CIMIP2A: variants seen among roughly 807,000 people sequenced by gnomAD.
CIMIP2A encodes ciliary microtubule inner protein 2A, also known as family with sequence similarity 166 member A.
the CIMIP2A span, among the ~76,000 whole-genome samples, chr9:137,246,821 A>G: frequency 1.3e-5 from 2 of 151,860 alleles, no homozygotes; most frequent in Admixed American, 1.3e-4. Context: ...CCTTCCCCAG[A>G]CGTAGCTGTT....
At chr9:137,245,348 TC>T in the CIMIP2A span, 1 of 1,605,902 alleles carries the variant, frequency 6.2e-7, no homozygotes, top group Non-Finnish European at 8.5e-7. Flanking sequence ...GTGGCGCTCT[TC>T]CAGGCCTCTT....
the CIMIP2A span, chr9:137,244,836 C>T: frequency 1.3e-6 from 2 of 1,567,880 alleles, no homozygotes; most frequent in East Asian, 2.3e-5. Flanking sequence ...AGGCAAGGCT[C>T]CCTTTCGTTC....
the CIMIP2A span, among the ~76,000 whole-genome samples, chr9:137,248,129 G>A: frequency 4.2e-4 from 64 of 152,356 alleles, no homozygotes; most frequent in Middle Eastern, 3.4e-3. Flanking sequence ...GGGGCTTCCC[G>A]GCCTGCAGGG....
At chr9:137,244,558 C>T in the CIMIP2A span, 1 of 1,569,060 alleles carries the variant, frequency 6.4e-7, no homozygotes, top group African/African-American at 1.3e-5. Flanking sequence ...ACCTGGCCTT[C>T]AAGGCACCCT....
the CIMIP2A span, chr9:137,245,878 G>C: frequency 6.7e-7 from 1 of 1,483,632 alleles, no homozygotes; most frequent in Non-Finnish European, 9.0e-7. Context: ...GAAGAAGGCA[G>C]GGCAGGTCTC....
the CIMIP2A span, chr9:137,252,632 C>T: frequency 6.9e-7 from 1 of 1,457,224 alleles, no homozygotes; most frequent in Non-Finnish European, 9.1e-7. Flanking sequence ...GAGCACCCTG[C>T]CCTGCAGCCC....
the CIMIP2A span, chr9:137,252,408 C>G: frequency 3.8e-6 from 6 of 1,599,354 alleles, no homozygotes; most frequent in South Asian, 1.1e-5. Flanking sequence ...GGGCTCCCAG[C>G]CTTCTCTCTC....
the CIMIP2A span, chr9:137,244,957 C>A: frequency 9.1e-5 from 146 of 1,602,780 alleles, no homozygotes; most frequent in African/African-American, 1.5e-3. Flanking sequence ...CAGAGGAGGT[C>A]CCCCCAGGCC....
At chr9:137,248,962 G>A in the CIMIP2A span, among the ~76,000 whole-genome samples, 1 of 151,174 alleles carries the variant, frequency 6.6e-6, no homozygotes, top group East Asian at 1.9e-4. Context: ...AGCATAAAAA[G>A]CTCTCACAAA....
At chr9:137,245,279 G>A in the CIMIP2A span, 2 of 1,578,144 alleles carry the variant, frequency 1.3e-6, no homozygotes, top group Non-Finnish European at 1.7e-6. Context: ...AGCGGAATGG[G>A]CTTGGCACTG....
chr9:137,244,156 G>C, the CIMIP2A span: 4 of 1,612,604 alleles, frequency 2.5e-6, no homozygotes, highest in South Asian at 4.4e-5. Context: ...ATGTGACCCT[G>C]CCCACTCTAC....
At chr9:137,251,766 C>T in the CIMIP2A span, 2 of 1,581,666 alleles carry the variant, frequency 1.3e-6, no homozygotes, top group Non-Finnish European at 1.7e-6. Context: ...GTTGTTGGGC[C>T]CGGAGCCGGG....
chr9:137,244,412 C>A, the CIMIP2A span: 1 of 1,557,478 alleles, frequency 6.4e-7, no homozygotes, highest in Non-Finnish European at 8.7e-7. Flanking sequence ...TGCTCCCAGC[C>A]TTCTGCATCC....
chr9:137,252,658 G>A, the CIMIP2A span: 23 of 1,539,942 alleles, frequency 1.5e-5, no homozygotes, highest in East Asian at 2.5e-5. Context: ...CTACCCCCTC[G>A]CAGTGGCCCT....
chr9:137,244,500 G>A, the CIMIP2A span: 4 of 1,499,708 alleles, frequency 2.7e-6, no homozygotes, highest in South Asian at 5.3e-5. Flanking sequence ...GGCACCTCCG[G>A]GGACAGGAGA....
the CIMIP2A span, chr9:137,247,876 A>C: frequency 4.4e-6 from 3 of 688,048 alleles, no homozygotes; most frequent in African/African-American, 5.3e-5. Flanking sequence ...CACATTGCAC[A>C]GGTGAGACAC....
At chr9:137,245,204 C>T in the CIMIP2A span, 1 of 1,581,386 alleles carries the variant, frequency 6.3e-7, no homozygotes, top group South Asian at 1.1e-5. Context: ...ACTCATCCCT[C>T]TGGCAGTGGT....
At chr9:137,253,176 G>A in the CIMIP2A span, 38 of 1,604,970 alleles carry the variant, frequency 2.4e-5, no homozygotes, top group East Asian at 9.0e-5. Flanking sequence ...TCCCTTCGGC[G>A]CCTGGCGTGG....
chr9:137,244,967 C>CGCTA, the CIMIP2A span: 1 of 1,604,490 alleles, frequency 6.2e-7, no homozygotes, highest in Non-Finnish European at 8.5e-7. Context: ...CCCCCCAGGC[C>CGCTA]GCTAGCCTGT....
Sources: gnomAD v4.1 joint callset for allele counts (sites outside exome capture counted in the v4.1 genomes callset) on GRCh38, gnomAD v4.1.1 for gene constraint, MANE v1.5 for transcripts, NCBI Gene and HGNC (gene_info 2026-07-23, HGNC 2026-07-21) for gene names.